Variants in TNK2 observed in about 807,000 individuals in gnomAD.
TNK2 encodes the protein tyrosine kinase non receptor 2, also known as activated CDC42 kinase 1.
TNK2 carries 83 observed loss-of-function variants against 101.8 expected under a neutral mutation model. The ratio of observed to expected loss-of-function variants is 0.82; its 90% CI spans 0.68 to 0.98. TNK2 has a LOEUF of 0.98. Ranked by LOEUF, TNK2 falls within the 50% of genes least tolerant of loss-of-function variation. The probability of loss-of-function intolerance (pLI) is 0.00; values close to 1 mark genes in which losing one functional copy is unlikely to be tolerated. For missense variants in TNK2, 1,665 were observed against 1,483.2 expected (o/e 1.12, Z -2.01); for synonymous variants, 804 against 633.0 (o/e 1.27, Z -4.06).
At chr3:195,883,432 T>G (rs534158232) in intron 4 of TNK2, 123 bp from the exon 5 acceptor site, 280 of 1,190,078 alleles carry the variant, frequency 2.4e-4, no homozygotes, top group Non-Finnish European at 3.1e-4. Context: ...TCTGGGTGGG[T>G]AAGCATGTCA....
chr3:195,887,974 G>GTA (rs1260299434), intron 2 of TNK2, among the ~76,000 whole-genome samples: 9 of 143,162 alleles, frequency 6.3e-5, no homozygotes, highest in East Asian at 4.3e-4. Flanking sequence ...GTGTGTGTGT[G>GTA]TATGCCTGTG....
chr3:195,869,562 A>G (rs895288230), intron 11 of TNK2, 21 bp from the exon 12 acceptor site: 16 of 1,551,076 alleles, frequency 1.0e-5, no homozygotes, highest in Admixed American at 2.0e-5. Flanking sequence ...GGCCATGCGG[A>G]CAGGGGGAGA....
In TNK2 at chr3:195,868,313, A is replaced by G; in HGVS notation, c.1985T>C (p.Ile662Thr). ...DVAQDEDDFEICSINSTLVGA... is the reference protein window; with the variant it reads ...DVAQDEDDFETCSINSTLVGA... Reference sequence around the variant, plus strand: ...CACGAGGGTGCTGTTGATGGAGCAGATCTCAAAGTCATCCTCATCCTGGGC... The same window carrying G: ...CACGAGGGTGCTGTTGATGGAGCAGGTCTCAAAGTCATCCTCATCCTGGGC... The change falls in exon 13 of 16, where the codon ATC (isoleucine) becomes ACC (threonine). Residue 662 changes from isoleucine to threonine, a missense_variant. Ile to Thr is a moderately conservative substitution (Grantham distance 89, BLOSUM62 -1). Coordinates refer to ENST00000672887, the MANE Select transcript of TNK2 (RefSeq NM_001382273.1). 6.2e-7 allele frequency: 1 copy of G among 1,603,272 alleles called. No individual in the cohort carries two copies. The highest frequency in any genetic ancestry group is 8.5e-7 in the Non-Finnish European group (1 of 1,179,378).
chr3:195,883,016 TG>T, intron 5 of TNK2, 140 bp downstream of exon 5: 1 of 975,574 alleles, frequency 1.0e-6, no homozygotes, highest in Non-Finnish European at 1.5e-6. Flanking sequence ...TGGGCCCCTG[TG>T]GACCCCTTTA....
rs1161153072 is a variant in TNK2 at position 195,867,374 on chromosome 3, T to C, written c.2924A>G (p.Asp975Gly). The C allele has an allele frequency of 6.8e-6, 11 of 1,606,132 alleles. No individual in the cohort carries two copies. Among genetic ancestry groups the C allele is most frequent in the African/African-American group, 1.3e-5 (1 of 74,962 alleles). Reference sequence around the variant, plus strand: ...CTGGGTGCTCACCATCTGGATCTTGTCTGCTGGCCGGCCCGCCTCTGGCCC... The same window carrying C: ...CTGGGTGCTCACCATCTGGATCTTGCCTGCTGGCCGGCCCGCCTCTGGCCC... Reference protein sequence around the residue: ...GDGPEAGRPADKIQMLQAMVH... With the variant: ...GDGPEAGRPAGKIQMLQAMVH... Residue 975 changes from aspartate (D) to glycine (G), a missense_variant, in exon 13 of 16, where the codon GAC (aspartate) becomes GGC (glycine). Physicochemically the swap from Asp to Gly is moderately conservative, Grantham distance 94. Transcript: ENST00000672887.
chr3:195,899,939 T>A (rs1022719308), intron 1 of TNK2, among the ~76,000 whole-genome samples: 1 of 152,086 alleles, frequency 6.6e-6, no homozygotes, highest in African/African-American at 2.4e-5. Context: ...ACAAGCCTGG[T>A]TGCCCTCTCC....
chr3:195,868,278 C>G lies in TNK2; in HGVS notation c.2020G>C (p.Val674Leu). 6.2e-7 allele frequency: 1 copy of G among 1,604,100 alleles called. No individual in the cohort carries two copies. Among genetic ancestry groups the G allele is most frequent in the Non-Finnish European group, 8.5e-7 (1 of 1,179,550 alleles). Residue 674 changes from valine (V) to leucine (L), a missense_variant, in exon 13 of 16, where the codon GTC becomes CTC. Val to Leu is a conservative substitution (Grantham distance 32). Around this residue, in one of 3 missense-constraint regions of TNK2, gnomAD observed 1,136 missense variants for 894.9 expected, o/e 1.27. Transcript: ENST00000672887. ...SINSTLVGAGVPAGPSQGQTN... is the reference protein window; with the variant it reads ...SINSTLVGAGLPAGPSQGQTN... ...TGGCCCTGGCTGGGCCCGGCAGGGA[C>G]CCCCGCGCCCACGAGGGTGCTGTTG...
chr3:195,884,042 C>G lies in TNK2; in HGVS notation c.457-733G>C, dbSNP rs192597285. The G allele has an allele frequency of 6.3e-4, 96 of 152,450 alleles. 1 individual carries two copies. Among genetic ancestry groups the G allele is most frequent in the African/African-American group, 2.0e-3 (84 of 41,562 alleles). 9.4% of individuals were successfully genotyped at this position (152,450 alleles called of 1,614,324 possible). ...GTGCTGGGAATGCACCGCACGTGAT[C>G]TGAGCAGTAAGGACACGGCTGCTGC... On this transcript the variant is annotated intron_variant, in intron 4 of 15. Coordinates refer to ENST00000672887, the MANE Select transcript of TNK2 (RefSeq NM_001382273.1).
rs938880731 is a variant in TNK2, at chr3:195,886,945, C to G, written c.234+32G>C. 3.1e-6 allele frequency: 5 copies of G among 1,609,030 alleles called. No individual in the cohort carries two copies. The Admixed American group carries it at 5.0e-5, about 16-fold the overall frequency. On this transcript the variant is annotated intron_variant, in intron 3 of 15. Transcript: ENST00000672887. This position sits in a 1 kb window ranked among gnomAD's most constrained non-coding sequence, Gnocchi z 4.2. The stretch of plus-strand genomic sequence containing the variant: ...GGAGGGGGGCGTTCGAGGCTGCCCC[C>G]CTCCCACCTCCTCACCCACCTCCTC...
Position 195,878,267 on chromosome 3 carries a change from G to A in TNK2, c.1242C>T (p.Thr414=), listed in dbSNP as rs146648972. ...KLHIQMNDVI[T]VIEGRAENYW... The stretch of plus-strand genomic sequence containing the variant: ...GCACTCCCTACCTTCCCTCGATGAC[G>A]GTGATGACATCATTCATCTGGATGT... Residue 414 remains threonine, a synonymous_variant, in exon 9 of 16, where the codon ACC becomes ACT. Coordinates refer to ENST00000672887, the MANE Select transcript of TNK2 (RefSeq NM_001382273.1). The surrounding 1 kb of genome is among the most constrained non-coding windows in gnomAD (Gnocchi z 4.7). The A allele has an allele frequency of 6.2e-5, 100 of 1,613,890 alleles. No homozygotes were observed. The highest frequency in any genetic ancestry group is 1.5e-4 in the South Asian group (14 of 91,068).
rs751285146 is a variant in TNK2 at position 195,878,367 on chromosome 3, G to A, written c.1162-20C>T. Reference sequence around the variant, plus strand: ...CTGGGCCTGGAGGAAGAGGAAGGTCGTGGCCAACTCTGGGACTGACGCCTG... The same window carrying A: ...CTGGGCCTGGAGGAAGAGGAAGGTCATGGCCAACTCTGGGACTGACGCCTG... On this transcript the variant is annotated intron_variant, in intron 8 of 15. Coordinates refer to ENST00000672887, the MANE Select transcript of TNK2 (RefSeq NM_001382273.1). The surrounding 1 kb of genome is among the most constrained non-coding windows in gnomAD (Gnocchi z 4.7). 317 of 1,613,874 alleles carry A rather than the reference G, an allele frequency of 2.0e-4. No homozygotes were observed. Among genetic ancestry groups the A allele is most frequent in the Non-Finnish European group, 2.6e-4 (303 of 1,179,948 alleles).
At chr3:195,880,757 A>G (rs1460067284) in intron 6 of TNK2, among the ~76,000 whole-genome samples, 1 of 13,846 alleles carries the variant, frequency 7.2e-5, no homozygotes, top group Non-Finnish European at 1.2e-4. Context: ...CACAGCATCT[A>G]TCCCTGTAAC....
Position 195,868,060 on chromosome 3 carries a change from C to CT in TNK2, c.2237_2238insA (p.Asp749Ter). 1 of 1,602,420 alleles carries CT rather than the reference C, an allele frequency of 6.2e-7. No individual in the cohort carries two copies. The stretch of plus-strand genomic sequence containing the variant: ...GCACCTGGGGCTTGTCGTCACCCCC[C>CT]GGGCTGGGAGAGGGGGCCGGGGAGC... On this transcript the variant is annotated frameshift_variant, in exon 13 of 16. Coordinates refer to ENST00000672887, the MANE Select transcript of TNK2 (RefSeq NM_001382273.1). LOFTEE classifies it high-confidence loss of function.
At chr3:195,869,385 A>ACCCCC in intron 12 of TNK2, 112 bp downstream of exon 12, 2 of 893,000 alleles carry the variant, frequency 2.2e-6, no homozygotes, top group Non-Finnish European at 3.5e-6. Flanking sequence ...CACAGCACAC[A>ACCCCC]CCCACCCACC....
intron 1 of TNK2, among the ~76,000 whole-genome samples, chr3:195,900,991 G>A (rs1032414517): frequency 2.0e-5 from 3 of 152,256 alleles, no homozygotes; most frequent in Non-Finnish European, 4.4e-5. Flanking sequence ...GGAGATGCCA[G>A]AGCTGGGAAG....
chr3:195,900,779 G>C (rs1411323172), intron 1 of TNK2, among the ~76,000 whole-genome samples: 1 of 152,242 alleles, frequency 6.6e-6, no homozygotes, highest in Non-Finnish European at 1.5e-5. Context: ...CGGGGGCCCA[G>C]AGGGAAGGAT....
intron 1 of TNK2, chr3:195,892,069 C>T (rs530615631): frequency 1.4e-5 from 13 of 931,366 alleles, no homozygotes; most frequent in Non-Finnish European, 1.7e-5. Flanking sequence ...CGCCTCCCCT[C>T]TAAGTCCCCC....
intron 1 of TNK2, among the ~76,000 whole-genome samples, chr3:195,890,961 T>G (rs1758185102): frequency 6.6e-6 from 1 of 152,204 alleles, no homozygotes; most frequent in South Asian, 2.1e-4. Flanking sequence ...CTACATTGTC[T>G]AGGTTACTAA....
rs574349613 is a variant in TNK2, at chr3:195,885,798, G to A, written c.235-765C>T. ...AAAGCTGGCCACGTCGGTCTGACTC[G>A]GCCTCCACTGAGGCACCCACAGCCT... is the stretch of plus-strand genomic sequence containing the variant. On this transcript the variant is annotated intron_variant, in intron 3 of 15. Coordinates refer to ENST00000672887, the MANE Select transcript of TNK2 (RefSeq NM_001382273.1). The surrounding 1 kb of genome is among the most constrained non-coding windows in gnomAD (Gnocchi z 4.7). The A allele has an allele frequency of 5.5e-5, 19 of 348,368 alleles. No homozygotes were observed. Among genetic ancestry groups the A allele is most frequent in the African/African-American group, 2.4e-4 (11 of 46,546 alleles). The allele number at this position is 348,368 out of a possible 1,614,324, so 21.6% of individuals were successfully genotyped here. A position where few individuals can be genotyped will look rare whatever the true frequency, so the allele number is the denominator to read the frequency against.
Sources: gnomAD v4.1 joint callset for allele counts (sites outside exome capture counted in the v4.1 genomes callset) on GRCh38, gnomAD v4.1.1 for gene constraint, gnomAD v4.1.1 regional missense constraint, Gnocchi (gnomAD v3.1) non-coding constraint, MANE v1.5 for transcripts, NCBI Gene and HGNC (gene_info 2026-07-23, HGNC 2026-07-21) for gene names.